The following ITPR2 variants were observed in gnomAD, a reference collection of about 807,000 sequenced individuals.
ITPR2 encodes the protein inositol 1,4,5-trisphosphate receptor type 2, also known as inositol 1,4,5-trisphosphate-gated calcium channel ITPR2.
In ITPR2, 207 loss-of-function variants were observed where a neutral mutation model predicts 317.1. The observed-to-expected ratio is 0.65, with a 90% CI of 0.58 to 0.73. The LOEUF (loss-of-function observed/expected upper bound fraction) is 0.73, where lower values mean the gene tolerates loss of function less well. ITPR2 is among the 30% of genes least tolerant of loss of function. The probability of loss-of-function intolerance (pLI) is 0.00; values close to 1 mark genes in which losing one functional copy is unlikely to be tolerated. For missense variants in ITPR2, 2,613 were observed against 3,284.0 expected (o/e 0.80, Z 4.99); for synonymous variants, 1,156 against 1,149.1 (o/e 1.01, Z -0.12).
At chr12:26,551,482 T>A (rs1425244918) in intron 36 of ITPR2, among the ~76,000 whole-genome samples, 1 of 152,218 alleles carries the variant, frequency 6.6e-6, no homozygotes, top group Non-Finnish European at 1.5e-5. Flanking sequence ...GACTCTGTGG[T>A]GACAGGACTC....
At chr12:26,704,317 G>C (rs1447298419) in intron 9 of ITPR2, among the ~76,000 whole-genome samples, 1 of 152,152 alleles carries the variant, frequency 6.6e-6, no homozygotes, top group African/African-American at 2.4e-5. Flanking sequence ...TGTTCTCCTA[G>C]ATAAGCACTC....
chr12:26,689,001 C>T (rs965416497), intron 10 of ITPR2, among the ~76,000 whole-genome samples: 2 of 152,094 alleles, frequency 1.3e-5, no homozygotes, highest in African/African-American at 2.4e-5. Context: ...ATTTTTATCA[C>T]AAAAATAAAA....
intron 55 of ITPR2, among the ~76,000 whole-genome samples, chr12:26,358,784 C>G (rs1028047402): frequency 3.3e-5 from 5 of 152,182 alleles, no homozygotes; most frequent in African/African-American, 9.6e-5. Context: ...TCCCCTCCCC[C>G]ATCTGTGGCT....
chr12:26,531,967 G>A (rs1323483973), intron 37 of ITPR2, among the ~76,000 whole-genome samples: 3 of 152,056 alleles, frequency 2.0e-5, no homozygotes, highest in African/African-American at 4.8e-5. Flanking sequence ...AAGAAAATAC[G>A]GTAATGCTGT....
At chr12:26,682,541 G>T (rs754446050) in intron 12 of ITPR2, 33 bp downstream of exon 12, 2 of 1,338,332 alleles carry the variant, frequency 1.5e-6, no homozygotes, top group African/African-American at 2.9e-5. Flanking sequence ...ATGGCATTTG[G>T]CTGAAAATTA....
chr12:26,802,933 C>G (rs1565777970), intron 1 of ITPR2, among the ~76,000 whole-genome samples: 1 of 152,074 alleles, frequency 6.6e-6, no homozygotes, highest in African/African-American at 2.4e-5. Context: ...ATCAACAAGC[C>G]TGATCTAATA....
At chr12:26,658,173 T>C (rs750154128) in intron 16 of ITPR2, 43 bp from the exon 17 acceptor site, 3 of 1,392,382 alleles carry the variant, frequency 2.2e-6, no homozygotes, top group Non-Finnish European at 2.9e-6. Flanking sequence ...AGACAAAGCA[T>C]TTTATAAAAG....
At chr12:26,474,197 A>T (rs1350805276) in intron 45 of ITPR2, among the ~76,000 whole-genome samples, 1 of 152,234 alleles carries the variant, frequency 6.6e-6, no homozygotes, top group African/African-American at 2.4e-5. Flanking sequence ...ATATCTATCA[A>T]TGTTTATTCA....
Position 26,632,047 on chromosome 12 carries a change from A to G in ITPR2, c.2753T>C (p.Met918Thr), listed in dbSNP as rs753650790. The G allele has an allele frequency of 6.4e-6, 10 of 1,554,934 alleles. 1 individual carries two copies. In the East Asian group the frequency reaches 2.3e-4, roughly 36 times the overall value. The change falls in exon 22 of 57, where the codon ATG becomes ACG. Residue 918 changes from methionine to threonine, a missense_variant. This residue lies in a region of ITPR2 where 817 missense variants were observed against 897.6 expected (regional missense o/e 0.91). Transcript: ENST00000381340. ...SKFQDGGNNV[M>T]RTIHGVGEMM... ...CTCTCCCACCCCATGAATGGTTCTC[A>G]TCACATTGTTTCCTGGCATGAGAAA...
At chr12:26,412,108 C>T (rs1251730871) in intron 51 of ITPR2, among the ~76,000 whole-genome samples, 2 of 152,098 alleles carry the variant, frequency 1.3e-5, no homozygotes, top group South Asian at 2.1e-4. Flanking sequence ...ACCTATTTTT[C>T]CCATAGAGCC....
At chr12:26,400,352 C>T (rs1940134516) in intron 52 of ITPR2, 94 bp from the exon 53 acceptor site, 3 of 547,326 alleles carry the variant, frequency 5.5e-6, no homozygotes, top group Non-Finnish European at 8.3e-6. Context: ...AATAAATATA[C>T]ATACATATAC....
chr12:26,629,579 C>T (rs1328986110), intron 22 of ITPR2, among the ~76,000 whole-genome samples: 1 of 132,308 alleles, frequency 7.6e-6, no homozygotes, highest in East Asian at 4.0e-4. Flanking sequence ...CAGCAAGACC[C>T]TGTCTCAAAA....
chr12:26,711,095 T>C, intron 9 of ITPR2, 78 bp downstream of exon 9: 3 of 876,394 alleles, frequency 3.4e-6, no homozygotes, highest in Non-Finnish European at 5.8e-6. Flanking sequence ...GCAAATACGA[T>C]GTCTTGTGGC....
At chr12:26,705,986 C>T (rs1438065469) in intron 9 of ITPR2, among the ~76,000 whole-genome samples, 2 of 152,234 alleles carry the variant, frequency 1.3e-5, no homozygotes, top group Non-Finnish European at 2.9e-5. Flanking sequence ...ATAGGCAAAA[C>T]TTCCACCAGA....
intron 52 of ITPR2, among the ~76,000 whole-genome samples, chr12:26,403,354 G>A (rs927411559): frequency 4.6e-5 from 7 of 152,174 alleles, no homozygotes; most frequent in African/African-American, 9.7e-5. Flanking sequence ...TGAAATTAGG[G>A]GGAGGCACTG....
At chr12:26,370,502 T>G (rs574166020) in intron 55 of ITPR2, among the ~76,000 whole-genome samples, 2 of 152,312 alleles carry the variant, frequency 1.3e-5, no homozygotes, top group South Asian at 4.1e-4. Context: ...ATGTAAATAT[T>G]ACATGATAAA....
chr12:26,583,141 T>A (rs1447917993), intron 32 of ITPR2, among the ~76,000 whole-genome samples: 1 of 152,168 alleles, frequency 6.6e-6, no homozygotes, highest in Non-Finnish European at 1.5e-5. Flanking sequence ...AAATGTGCCA[T>A]GTGTTTCCTA....
chr12:26,734,469 G>A (rs1949082885), intron 2 of ITPR2, among the ~76,000 whole-genome samples: 1 of 152,154 alleles, frequency 6.6e-6, no homozygotes, highest in Admixed American at 6.5e-5. Context: ...ACAGTAGCAA[G>A]CCAGAGAAGT....
intron 38 of ITPR2, among the ~76,000 whole-genome samples, chr12:26,494,771 GAAA>G (rs71069245): frequency 4.0e-5 from 2 of 50,346 alleles, no homozygotes; most frequent in Non-Finnish European, 6.2e-5. Flanking sequence ...CTCTGCCTCA[GAAA>G]AAAAAAAAAA....
Sources: gnomAD v4.1 joint callset for allele counts (sites outside exome capture counted in the v4.1 genomes callset) on GRCh38, gnomAD v4.1.1 for gene constraint, gnomAD v4.1.1 regional missense constraint, MANE v1.5 for transcripts, NCBI Gene and HGNC (gene_info 2026-07-23, HGNC 2026-07-21) for gene names.